The following LRFN5 variants were observed in gnomAD, a reference collection of about 807,000 sequenced individuals.
LRFN5 encodes the protein leucine-rich repeat and fibronectin type-III domain-containing protein 5.
LRFN5 carries 24 observed loss-of-function variants against 45.6 expected under a neutral mutation model. The observed-to-expected ratio is 0.53, with a 90% CI of 0.38 to 0.74. LRFN5 has a LOEUF of 0.74. Ranked by LOEUF, LRFN5 falls within the 30% of genes least tolerant of loss-of-function variation. The pLI is 0.00. For missense variants in LRFN5, 776 were observed against 861.5 expected (o/e 0.90, Z 1.24); for synonymous variants, 340 against 313.8 (o/e 1.08, Z -0.88).
chr14:41,757,462 G>T (rs976326836), intron 1 of LRFN5, among the ~76,000 whole-genome samples: 3 of 152,162 alleles, frequency 2.0e-5, no homozygotes, highest in Non-Finnish European at 4.4e-5. Context: ...AATGGTGGGC[G>T]CCCCTCCCCC....
rs1047177831 is a variant in LRFN5 at position 41,616,141 on chromosome 14, G to A, written c.-197+7579G>A. ...AGAAAATTCACTCATACATTTTAAT[G>A]TTATTGTTCATAATAAATATGAACA... On this transcript the variant is annotated intron_variant, in intron 1 of 5. Coordinates refer to ENST00000298119, the MANE Select transcript of LRFN5 (RefSeq NM_152447.5). Among the ~76,000 whole-genome samples the A allele has an allele frequency of 2.6e-5, 4 of 152,018 alleles. No homozygotes were observed. In the East Asian group the frequency reaches 7.7e-4, roughly 29 times the overall value.
chr14:41,671,603 G>GATTTTTTTTTTC (rs1881217193), intron 1 of LRFN5, among the ~76,000 whole-genome samples: 1 of 72,226 alleles, frequency 1.4e-5, no homozygotes, highest in African/African-American at 7.4e-5. Context: ...GTGGAGGAGA[G>GATTTTTTTTTTC]ATTTTTTTTT....
At chr14:41,879,287 C>T (rs750060718) in intron 2 of LRFN5, among the ~76,000 whole-genome samples, 4 of 151,778 alleles carry the variant, frequency 2.6e-5, no homozygotes, top group Admixed American at 6.6e-5. Context: ...AGATAAAGTG[C>T]CCTTTTATAT....
In LRFN5 at chr14:41,673,949, A is replaced by AC. The variant is rs1336917471; in HGVS notation, c.-197+65388dup. On this transcript the variant is annotated intron_variant, in intron 1 of 5. Transcript: ENST00000298119. ...GGGCGGCTGGCTGGGCGGGGGGCTGACACCCCCACCTCCCTCCCGGACGGG... is the reference window on the plus strand; with the variant it reads ...GGGCGGCTGGCTGGGCGGGGGGCTGACCACCCCCACCTCCCTCCCGGACGGG... Among the ~76,000 whole-genome samples the AC allele has an allele frequency of 1.6e-4, 18 of 116,122 alleles. 2 individuals are homozygous for AC. Among genetic ancestry groups the AC allele is most frequent in the African/African-American group, 4.1e-4 (12 of 29,306 alleles). The allele number at this position is 116,122 out of a possible 152,430, so 76.2% of individuals were successfully genotyped here.
rs1349039288 is a variant in LRFN5 at position 41,637,374 on chromosome 14, T to A, written c.-197+28812T>A. On this transcript the variant is annotated intron_variant, in intron 1 of 5. Transcript: ENST00000298119. ...AGTGATTTAAGCAAATTAAAACTAT[T>A]AGAATCAAGGGAGGAAGGAAAACTT... Among the ~76,000 whole-genome samples the A allele has an allele frequency of 2.0e-5, 3 of 152,268 alleles. No homozygotes were observed. The East Asian group carries it at 5.8e-4, about 29-fold the overall frequency.
intron 2 of LRFN5, among the ~76,000 whole-genome samples, chr14:41,778,060 A>T (rs1274414750): frequency 2.0e-5 from 3 of 150,116 alleles, no homozygotes; most frequent in Admixed American, 2.0e-4. Flanking sequence ...ATATCTCAAT[A>T]TTTGATAATT....
chr14:41,837,950 A>G (rs1027019046), intron 2 of LRFN5, among the ~76,000 whole-genome samples: 8 of 152,236 alleles, frequency 5.3e-5, no homozygotes, highest in African/African-American at 1.9e-4. Flanking sequence ...TTATGAACAT[A>G]TACAACATTA....
At chr14:41,685,236 A>T (rs1396295417) in intron 1 of LRFN5, among the ~76,000 whole-genome samples, 3 of 152,172 alleles carry the variant, frequency 2.0e-5, no homozygotes, top group Admixed American at 2.0e-4. Context: ...AACAGTATGG[A>T]GGTTCCCCAA....
At chr14:41,702,620 G>A (rs939622756) in intron 1 of LRFN5, among the ~76,000 whole-genome samples, 17 of 151,952 alleles carry the variant, frequency 1.1e-4, no homozygotes, top group African/African-American at 3.9e-4. Context: ...ATGCCACTGC[G>A]CCAGCTAATT....
intron 1 of LRFN5, among the ~76,000 whole-genome samples, chr14:41,693,526 A>G (rs777432736): frequency 5.9e-5 from 9 of 151,818 alleles, no homozygotes; most frequent in Non-Finnish European, 1.0e-4. Context: ...GGTTTTGTAT[A>G]TATTTTATTA....
chr14:41,840,769 G>A (rs1268693358), intron 2 of LRFN5, among the ~76,000 whole-genome samples: 1 of 151,882 alleles, frequency 6.6e-6, no homozygotes, highest in African/African-American at 2.4e-5. Context: ...TCTAAACATT[G>A]TTCTTTAATT....
At chr14:41,873,736 T>C (rs143451970) in intron 2 of LRFN5, among the ~76,000 whole-genome samples, 46 of 152,296 alleles carry the variant, frequency 3.0e-4, no homozygotes, top group African/African-American at 1.1e-3. Flanking sequence ...GAATTTTCCA[T>C]ATTTCTAGAT....
intron 1 of LRFN5, chr14:41,699,602 C>T (rs1392216592): frequency 6.6e-6 from 1 of 152,076 alleles, no homozygotes; most frequent in Admixed American, 6.6e-5. Flanking sequence ...ACTGTTTTAT[C>T]TGCAGCTGTC....
chr14:41,656,851 G>A (rs187378849), intron 1 of LRFN5, among the ~76,000 whole-genome samples: 257 of 151,972 alleles, frequency 1.7e-3, no homozygotes, highest in African/African-American at 5.8e-3. Flanking sequence ...CTGAAGGTGG[G>A]AACAATTCTA....
chr14:41,772,014 C>T (rs947138510), intron 2 of LRFN5, among the ~76,000 whole-genome samples: 1 of 152,112 alleles, frequency 6.6e-6, no homozygotes, highest in Non-Finnish European at 1.5e-5. Flanking sequence ...GGAAGTATGG[C>T]GTCAGCATCT....
At chr14:41,838,758 A>T (rs1239857226) in intron 2 of LRFN5, among the ~76,000 whole-genome samples, 2 of 152,156 alleles carry the variant, frequency 1.3e-5, no homozygotes, top group Non-Finnish European at 2.9e-5. Flanking sequence ...TTTCCAAAAA[A>T]ATTAAACTTA....
chr14:41,870,058 T>C (rs1361216687), intron 2 of LRFN5, among the ~76,000 whole-genome samples: 1 of 152,028 alleles, frequency 6.6e-6, no homozygotes, highest in Non-Finnish European at 1.5e-5. Flanking sequence ...TGTCATGGAG[T>C]AGGAATCTAA....
At chr14:41,804,053 G>A (rs980051870) in intron 2 of LRFN5, among the ~76,000 whole-genome samples, 7 of 151,910 alleles carry the variant, frequency 4.6e-5, no homozygotes, top group East Asian at 3.9e-4. Flanking sequence ...TGGTAGAGGC[G>A]GGGTTTCACC....
intron 1 of LRFN5, among the ~76,000 whole-genome samples, chr14:41,672,387 C>T (rs1175276686): frequency 1.3e-5 from 2 of 151,756 alleles, no homozygotes; most frequent in African/African-American, 2.4e-5. Context: ...GTTTAAGTGC[C>T]TCCTTTCTGA....
Sources: allele counts gnomAD v4.1 joint callset (sites outside exome capture counted in the v4.1 genomes callset), GRCh38; gene constraint gnomAD v4.1.1; transcripts MANE v1.5; gene names NCBI Gene and HGNC (gene_info 2026-07-23, HGNC 2026-07-21).